The following MGAT4C variants were observed in gnomAD, a reference collection of about 807,000 sequenced individuals.
MGAT4C encodes the protein MGAT4 family member C.
Under a neutral mutation model 40.1 loss-of-function variants are expected in MGAT4C, and 19 were observed. The ratio of observed to expected loss-of-function variants is 0.47; its 90% confidence interval spans 0.33 to 0.70. The LOEUF (loss-of-function observed/expected upper bound fraction) is 0.70. Among genes scored for constraint, MGAT4C ranks in the 30% least tolerant of loss-of-function variants. The pLI, the probability that MGAT4C is intolerant of heterozygous loss-of-function variation, is 0.02. For synonymous variants in MGAT4C, 181 were observed against 187.1 expected (o/e 0.97, Z 0.27); for missense variants, 491 against 563.2 (o/e 0.87, Z 1.30).
intron 1 of MGAT4C, among the ~76,000 whole-genome samples, chr12:86,169,481 C>G (rs1405849912): frequency 6.6e-6 from 1 of 152,164 alleles, no homozygotes; most frequent in African/African-American, 2.4e-5. Flanking sequence ...CATTTTGCAA[C>G]TCAAGTTCAA....
At chr12:86,069,115 C>A (rs1894839357) in intron 1 of MGAT4C, among the ~76,000 whole-genome samples, 1 of 142,084 alleles carries the variant, frequency 7.0e-6, no homozygotes, top group Admixed American at 7.1e-5. Flanking sequence ...GTCCTTTATT[C>A]TGGGAAGGTG....
At chr12:86,510,495 A>G (rs1034364963) in intron 2 of MGAT4C, among the ~76,000 whole-genome samples, 1 of 152,186 alleles carries the variant, frequency 6.6e-6, no homozygotes, top group Non-Finnish European at 1.5e-5. Context: ...TAACAATATT[A>G]ACCTTAAATG....
intron 1 of MGAT4C, among the ~76,000 whole-genome samples, chr12:86,796,717 G>A (rs897422186): frequency 9.2e-5 from 14 of 151,836 alleles, no homozygotes; most frequent in Admixed American, 5.9e-4. Flanking sequence ...GTGAGGAAAC[G>A]CATATGTTAA....
chr12:86,557,762 G>T (rs898673853), intron 2 of MGAT4C, among the ~76,000 whole-genome samples: 2 of 152,246 alleles, frequency 1.3e-5, no homozygotes, highest in Middle Eastern at 6.8e-3. Context: ...ATTAAATTGG[G>T]AAACAGTGAC....
chr12:86,675,088 G>A (rs772384257), intron 2 of MGAT4C, among the ~76,000 whole-genome samples: 9 of 152,084 alleles, frequency 5.9e-5, no homozygotes, highest in Non-Finnish European at 1.3e-4. Flanking sequence ...CTTCAAGATT[G>A]TGCTGCAAAT....
At chr12:86,218,181 C>A (rs1168426373) in intron 1 of MGAT4C, among the ~76,000 whole-genome samples, 3 of 151,758 alleles carry the variant, frequency 2.0e-5, no homozygotes, top group Admixed American at 6.6e-5. Flanking sequence ...TTATTAGTTT[C>A]TGCATCACTC....
rs546673928 is a variant in MGAT4C, at chr12:86,107,844, T to C, written c.-56-58121A>G. The stretch of plus-strand genomic sequence containing the variant: ...TTATTTTAAATGACTAAAAATTTTA[T>C]ATATTTTTAAAATGTCTTAAGTGTC... On this transcript the variant is annotated intron_variant, in intron 1 of 4. Coordinates refer to ENST00000611864, the MANE Select transcript of MGAT4C (RefSeq NM_001351288.2). Among the ~76,000 whole-genome samples the C allele has an allele frequency of 3.9e-5, 6 of 152,268 alleles. No individual in the cohort carries two copies. The South Asian group carries it at 6.2e-4, about 16-fold the overall frequency.
intron 2 of MGAT4C, among the ~76,000 whole-genome samples, chr12:86,631,242 A>T (rs1010236859): frequency 6.6e-6 from 1 of 152,174 alleles, no homozygotes; most frequent in South Asian, 2.1e-4. Context: ...CCACTGCTCA[A>T]TGAAATAAAG....
At chr12:86,120,947 G>A (rs1213200125) in intron 1 of MGAT4C, among the ~76,000 whole-genome samples, 2 of 152,146 alleles carry the variant, frequency 1.3e-5, no homozygotes, top group African/African-American at 2.4e-5. Context: ...AAACTTCTCC[G>A]AGCTAAAGGA....
chr12:86,167,504 T>C (rs1024799423), intron 1 of MGAT4C, among the ~76,000 whole-genome samples: 1 of 152,198 alleles, frequency 6.6e-6, no homozygotes, highest in Non-Finnish European at 1.5e-5. Flanking sequence ...CTGGACAATT[T>C]ATAATGAACA....
intron 2 of MGAT4C, among the ~76,000 whole-genome samples, chr12:86,672,452 A>G (rs1430678080): frequency 6.6e-6 from 1 of 152,122 alleles, no homozygotes; most frequent in Non-Finnish European, 1.5e-5. Context: ...ATGAAATTGA[A>G]GTGAAGAAAA....
intron 2 of MGAT4C, among the ~76,000 whole-genome samples, chr12:86,436,138 G>A (rs1039499056): frequency 2.6e-5 from 4 of 151,866 alleles, no homozygotes; most frequent in East Asian, 3.9e-4. Context: ...GTACCACTAC[G>A]AAAAATATGA....
intron 1 of MGAT4C, among the ~76,000 whole-genome samples, chr12:86,729,984 CT>C (rs1950882442): frequency 6.6e-6 from 1 of 151,870 alleles, no homozygotes; most frequent in African/African-American, 2.4e-5. Flanking sequence ...GGCATAGTTT[CT>C]TTTTTAAATC....
intron 1 of MGAT4C, among the ~76,000 whole-genome samples, chr12:86,162,995 A>G (rs184745758): frequency 6.6e-6 from 1 of 152,270 alleles, no homozygotes; most frequent in African/African-American, 2.4e-5. Flanking sequence ...TTATACCCAC[A>G]TAGAGCCTCT....
At chr12:86,152,063 C>T (rs369430971) in intron 1 of MGAT4C, among the ~76,000 whole-genome samples, 1 of 152,160 alleles carries the variant, frequency 6.6e-6, no homozygotes, top group Middle Eastern at 3.2e-3. Flanking sequence ...CCTGAGAGTG[C>T]CTTCCTGAGC....
intron 3 of MGAT4C, among the ~76,000 whole-genome samples, chr12:85,988,031 T>C (rs973705917): frequency 3.3e-5 from 5 of 152,202 alleles, no homozygotes; most frequent in Non-Finnish European, 5.9e-5. Flanking sequence ...TTGTCCTTAT[T>C]ATATCTCATA....
intron 2 of MGAT4C, among the ~76,000 whole-genome samples, chr12:86,029,288 C>T (rs1313907446): frequency 1.3e-5 from 2 of 151,818 alleles, no homozygotes; most frequent in African/African-American, 4.8e-5. Flanking sequence ...GAGTACTAAA[C>T]ATCAGTGTGC....
chr12:86,647,415 GAC>G (rs1337620825), intron 2 of MGAT4C, among the ~76,000 whole-genome samples: 5 of 151,888 alleles, frequency 3.3e-5, no homozygotes, highest in South Asian at 2.1e-4. Context: ...GAAATCTAGA[GAC>G]ACAGTTTCAG....
intron 1 of MGAT4C, among the ~76,000 whole-genome samples, chr12:86,786,338 T>TCTGTTAGAAAC (rs1951931046): frequency 6.6e-6 from 1 of 152,088 alleles, no homozygotes; most frequent in African/African-American, 2.4e-5. Context: ...AATGGTTGAA[T>TCTGTTAGAAAC]CTGTAGGTTT....
Sources: allele counts gnomAD v4.1 joint callset (sites outside exome capture counted in the v4.1 genomes callset), GRCh38; gene constraint gnomAD v4.1.1; transcripts MANE v1.5; gene names NCBI Gene and HGNC (gene_info 2026-07-23, HGNC 2026-07-21).